The following ROBO2 variants were observed in gnomAD, a reference collection of about 807,000 sequenced individuals.
ROBO2 encodes roundabout guidance receptor 2.
A neutral mutation model predicts 160.8 loss-of-function variants in ROBO2; 53 were observed. The observed-to-expected ratio is 0.33, with a 90% CI of 0.26 to 0.41. ROBO2 has a LOEUF of 0.41. Among genes scored for constraint, ROBO2 ranks in the 10% least tolerant of loss-of-function variants. ROBO2 has a pLI of 1.00. For missense variants in ROBO2, 1,577 were observed against 1,722.4 expected (o/e 0.92, Z 1.49); for synonymous variants, 664 against 611.7 (o/e 1.09, Z -1.26).
At chr3:76,732,994 T>TGGGGGG (rs796513860) in intron 2 of ROBO2, among the ~76,000 whole-genome samples, 1 of 117,440 alleles carries the variant, frequency 8.5e-6, no homozygotes, top group Non-Finnish European at 1.8e-5. Flanking sequence ...TGACTGGGGG[T>TGGGGGG]GGGGGGGGGA....
intron 2 of ROBO2, among the ~76,000 whole-genome samples, chr3:75,970,667 A>G (rs1366652983): frequency 6.6e-6 from 1 of 151,528 alleles, no homozygotes; most frequent in Non-Finnish European, 1.5e-5. Flanking sequence ...TCACTGTGCA[A>G]TCTTTAATCA....
At chr3:77,583,071 G>A (rs1303430014) in intron 16 of ROBO2, among the ~76,000 whole-genome samples, 1 of 150,524 alleles carries the variant, frequency 6.6e-6, no homozygotes, top group Non-Finnish European at 1.5e-5. Flanking sequence ...GAACTTGGGA[G>A]GCGGAGGTTG....
intron 2 of ROBO2, among the ~76,000 whole-genome samples, chr3:77,464,399 T>A (rs1193417631): frequency 6.6e-6 from 1 of 152,038 alleles, no homozygotes. Context: ...GAACAAACTG[T>A]GTTTAGGCCC....
At chr3:77,264,229 T>C (rs989057005) in intron 2 of ROBO2, among the ~76,000 whole-genome samples, 2 of 152,210 alleles carry the variant, frequency 1.3e-5, no homozygotes, top group African/African-American at 4.8e-5. Flanking sequence ...TAAGTAGTTA[T>C]AAAAACAGGA....
chr3:77,534,144 G>A (rs1429942024), intron 6 of ROBO2, among the ~76,000 whole-genome samples: 1 of 151,852 alleles, frequency 6.6e-6, no homozygotes, highest in Admixed American at 6.6e-5. Flanking sequence ...ATTTGGCAGG[G>A]GTACTTCATA....
In ROBO2 at chr3:76,118,704, T is replaced by C. The variant is rs533851863; in HGVS notation, c.109+181102T>C. Among the ~76,000 whole-genome samples, 30 of 152,302 alleles carry C rather than the reference T, an allele frequency of 2.0e-4. No homozygotes were observed. In the South Asian group the frequency reaches 6.2e-3, roughly 32 times the overall value. On this transcript the variant is annotated intron_variant, in intron 2 of 26. Transcript: ENST00000487694. Reference sequence around the variant, plus strand: ...GTTATTTTGCTTGTTTCTCTTAACTTTTCCACATATAGACTGTATATGTTT... The same window carrying C: ...GTTATTTTGCTTGTTTCTCTTAACTCTTCCACATATAGACTGTATATGTTT...
intron 2 of ROBO2, among the ~76,000 whole-genome samples, chr3:76,799,500 T>C (rs1436021310): frequency 7.4e-5 from 10 of 134,580 alleles, no homozygotes; most frequent in African/African-American, 2.5e-4. Flanking sequence ...AAATATTAGA[T>C]CTGACAAAAA....
At chr3:76,340,991 G>C (rs527671087) in intron 2 of ROBO2, among the ~76,000 whole-genome samples, 50 of 152,248 alleles carry the variant, frequency 3.3e-4, no homozygotes, top group Non-Finnish European at 6.5e-4. Context: ...TGTGAATCTT[G>C]TAGGAGTGTT....
At chr3:76,862,985 TAA>T (rs10576584) in intron 2 of ROBO2, among the ~76,000 whole-genome samples, 4,798 of 152,140 alleles carry the variant, frequency 0.032, 197 homozygotes, top group East Asian at 0.12. Flanking sequence ...GCATTGCAGA[TAA>T]AGTCAGCTTT....
chr3:76,118,548 G>T (rs1442246514), intron 2 of ROBO2, among the ~76,000 whole-genome samples: 106 of 152,278 alleles, frequency 7.0e-4, no homozygotes, highest in Non-Finnish European at 5.9e-5. Flanking sequence ...AACATGAGAA[G>T]CATAGTAAAA....
At chr3:76,353,131 T>C (rs1325523110) in intron 2 of ROBO2, among the ~76,000 whole-genome samples, 1 of 151,914 alleles carries the variant, frequency 6.6e-6, no homozygotes, top group East Asian at 1.9e-4. Context: ...AAATGGAAAA[T>C]GCAATGGAAA....
intron 2 of ROBO2, among the ~76,000 whole-genome samples, chr3:77,192,650 CTTTTTTTTTT>C (rs71629633): frequency 9.1e-6 from 1 of 110,038 alleles, no homozygotes; most frequent in East Asian, 2.8e-4. Context: ...AACACAATTC[CTTTTTTTTTT>C]TTTTTTTTTT....
chr3:76,830,016 C>T (rs772748209), intron 2 of ROBO2, among the ~76,000 whole-genome samples: 22 of 152,178 alleles, frequency 1.4e-4, no homozygotes, highest in Non-Finnish European at 2.8e-4. Flanking sequence ...TTCTTTCTGT[C>T]TAAACTCTGT....
chr3:75,935,389 G>A (rs73123280), intron 1 of ROBO2, among the ~76,000 whole-genome samples: 12 of 152,164 alleles, frequency 7.9e-5, no homozygotes, highest in Non-Finnish European at 1.6e-4. Context: ...GTGCGTGCCT[G>A]TAGCCTGAGC....
intron 2 of ROBO2, among the ~76,000 whole-genome samples, chr3:77,118,784 T>C (rs1223173298): frequency 1.3e-5 from 2 of 152,330 alleles, no homozygotes; most frequent in East Asian, 1.9e-4. Context: ...AATTTTTACA[T>C]TGTGTGAACA....
At chr3:77,141,992 G>T (rs1037204662) in intron 2 of ROBO2, among the ~76,000 whole-genome samples, 2 of 152,096 alleles carry the variant, frequency 1.3e-5, no homozygotes, top group African/African-American at 4.8e-5. Flanking sequence ...TTAAAAATAT[G>T]GGCACCATTT....
intron 1 of ROBO2, among the ~76,000 whole-genome samples, chr3:77,060,451 A>G (rs1180831864): frequency 2.0e-5 from 3 of 152,184 alleles, no homozygotes; most frequent in African/African-American, 4.8e-5. Context: ...TACCTAATTC[A>G]CTTGTTCTTA....
intron 2 of ROBO2, among the ~76,000 whole-genome samples, chr3:76,386,470 G>A (rs921937223): frequency 2.6e-5 from 4 of 151,740 alleles, no homozygotes; most frequent in Non-Finnish European, 2.9e-5. Context: ...GCACTCATGA[G>A]GGTTGCATTC....
At chr3:77,425,025 A>G (rs1265132398) in intron 2 of ROBO2, among the ~76,000 whole-genome samples, 4 of 152,208 alleles carry the variant, frequency 2.6e-5, no homozygotes, top group Non-Finnish European at 5.9e-5. Context: ...ATACATATAT[A>G]TGACGTAGTA....
Sources: gnomAD v4.1 joint callset for allele counts (sites outside exome capture counted in the v4.1 genomes callset) on GRCh38, gnomAD v4.1.1 for gene constraint, MANE v1.5 for transcripts, NCBI Gene and HGNC (gene_info 2026-07-23, HGNC 2026-07-21) for gene names.